TULP3: variants seen among roughly 807,000 people sequenced by gnomAD.
The protein encoded by TULP3 is TUB like protein 3, also known as tubby-related protein 3.
A neutral mutation model predicts 50.7 loss-of-function variants in TULP3; 38 were observed. That is an observed-to-expected ratio of 0.75 (90% CI 0.58 to 0.98). The LOEUF is 0.98. Ranked by LOEUF, TULP3 falls within the 50% of genes least tolerant of loss-of-function variation. The pLI is 0.00. For synonymous variants in TULP3, 183 were observed against 196.6 expected, an observed-to-expected ratio of 0.93 and a Z score of 0.58; for missense variants, 550 against 568.0, an observed-to-expected ratio of 0.97 and a Z score of 0.32.
At chr12:2,922,482 C>T in intron 4 of TULP3, 80 bp downstream of exon 4, 1 of 1,535,508 alleles carries the variant, frequency 6.5e-7, no homozygotes, top group Non-Finnish European at 8.8e-7. Flanking sequence ...TTGTGGGTAA[C>T]AATCTACATG....
At chr12:2,904,354 C>T (rs1482393008) in intron 1 of TULP3, among the ~76,000 whole-genome samples, 1 of 152,120 alleles carries the variant, frequency 6.6e-6, no homozygotes, top group East Asian at 1.9e-4. Context: ...CTATATCTAT[C>T]TGAGATGGAA....
intron 2 of TULP3, among the ~76,000 whole-genome samples, chr12:2,912,626 C>T (rs1237448041): frequency 6.6e-6 from 1 of 152,090 alleles, no homozygotes; most frequent in East Asian, 1.9e-4. Context: ...ATCAGTCTCC[C>T]GAGGATTGGT....
In TULP3 at chr12:2,938,039, G is replaced by T. The variant is rs896930175; in HGVS notation, c.1024-75G>T. On this transcript the variant is annotated intron_variant, in intron 9 of 10. Coordinates refer to ENST00000448120, the MANE Select transcript of TULP3 (RefSeq NM_003324.5). ...GTTTACCCTTTCTGAAATGGAGAAAGTATTCTCCTACTCTACCTTCTACCT... is the reference window on the plus strand; with the variant it reads ...GTTTACCCTTTCTGAAATGGAGAAATTATTCTCCTACTCTACCTTCTACCT... 35 of 1,485,214 alleles carry T rather than the reference G, an allele frequency of 2.4e-5. No individual in the cohort carries two copies. In the Admixed American group the frequency reaches 4.8e-4, roughly 20 times the overall value. 92.0% of individuals were successfully genotyped at this position (1,485,214 alleles called of 1,614,324 possible). A position where few individuals can be genotyped will look rare whatever the true frequency, so the allele number is the denominator to read the frequency against.
intron 8 of TULP3, among the ~76,000 whole-genome samples, chr12:2,937,200 A>ATTTTTTTTTTTTTTTTTTTTTTTT (rs771074689): frequency 3.7e-5 from 2 of 54,446 alleles, no homozygotes; most frequent in Admixed American, 3.6e-4. Context: ...GGTACACCTG[A>ATTTTTTTTTTTTTTTTTTTTTTTT]TTTTTTTTTT....
chr12:2,940,265 G>T lies in TULP3; in HGVS notation c.*821G>T. ...CGACACACACACCTGTAGGCATCCT[G>T]TGCAAACACTTTGTCATTATCAAGA... On this transcript the variant is annotated 3_prime_UTR_variant, in exon 11 of 11. Coordinates refer to ENST00000448120, the MANE Select transcript of TULP3 (RefSeq NM_003324.5). The T allele has an allele frequency of 7.2e-7, 1 of 1,393,064 alleles. No individual in the cohort carries two copies. Among genetic ancestry groups the T allele is most frequent in the East Asian group, 3.7e-5 (1 of 27,154 alleles). The allele number at this position is 1,393,064 out of a possible 1,614,324, so 86.3% of individuals were successfully genotyped here. A position where few individuals can be genotyped will look rare whatever the true frequency, so the allele number is the denominator to read the frequency against.
intron 2 of TULP3, among the ~76,000 whole-genome samples, chr12:2,920,078 T>G (rs1251625970): frequency 6.6e-6 from 1 of 151,762 alleles, no homozygotes; most frequent in African/African-American, 2.4e-5. Flanking sequence ...CATGCCATAG[T>G]CTGCCACCTG....
chr12:2,897,146 A>C (rs1052510674), intron 1 of TULP3, among the ~76,000 whole-genome samples: 6 of 151,898 alleles, frequency 4.0e-5, no homozygotes, highest in Admixed American at 2.0e-4. Flanking sequence ...AGTAGGTAGG[A>C]TTACAGGTGC....
chr12:2,910,575 A>G (rs890329168), intron 2 of TULP3, among the ~76,000 whole-genome samples: 30 of 152,322 alleles, frequency 2.0e-4, no homozygotes, highest in Admixed American at 1.8e-3. Context: ...GCTTTTTTCT[A>G]TGAATCTATT....
Position 2,937,665 on chromosome 12 carries a change from A to G in TULP3, c.959A>G (p.Lys320Arg), listed in dbSNP as rs2098202201. The G allele has an allele frequency of 1.9e-6, 3 of 1,613,292 alleles. No homozygotes were observed. The highest frequency in any genetic ancestry group is 2.5e-6 in the Non-Finnish European group (3 of 1,179,698). ...GTACTTGGATTTAAAGGTCCTAGGA[A>G]AATGTCTGTGATCATTCCTGGAATG... ...TNVLGFKGPRKMSVIIPGMTL... is the reference protein window; with the variant it reads ...TNVLGFKGPRRMSVIIPGMTL... The change falls in exon 9 of 11, where the codon AAA (lysine) becomes AGA (arginine). Residue 320 changes from lysine (K) to arginine (R), a missense_variant. Coordinates refer to ENST00000448120, the MANE Select transcript of TULP3 (RefSeq NM_003324.5).
chr12:2,916,208 G>A (rs1045667053), intron 2 of TULP3, among the ~76,000 whole-genome samples: 18 of 151,400 alleles, frequency 1.2e-4, no homozygotes, highest in East Asian at 2.0e-4. Context: ...TGGGGTTTCC[G>A]GCATGTTGGC....
chr12:2,916,859 G>C (rs1194718497), intron 2 of TULP3, among the ~76,000 whole-genome samples: 1 of 152,218 alleles, frequency 6.6e-6, no homozygotes, highest in Non-Finnish European at 1.5e-5. Flanking sequence ...TATAGTAGCT[G>C]TGGCCCTGAT....
Position 2,907,877 on chromosome 12 carries a change from A to G in TULP3, c.42-1652A>G, listed in dbSNP as rs370839337. 5.2e-3 allele frequency among the ~76,000 whole-genome samples: 788 copies of G among 152,272 alleles called. 5 individuals carry two copies. Among genetic ancestry groups the G allele is most frequent in the African/African-American group, 0.018 (729 of 41,568 alleles). On this transcript the variant is annotated intron_variant, in intron 1 of 10. Coordinates refer to ENST00000448120, the MANE Select transcript of TULP3 (RefSeq NM_003324.5). ...TCAAGGCCAGAGGCTGTTGTATCTGACATTTTTGTTTATTTGTTCCTCTTT... is the reference window on the plus strand; with the variant it reads ...TCAAGGCCAGAGGCTGTTGTATCTGGCATTTTTGTTTATTTGTTCCTCTTT...
chr12:2,907,957 T>G (rs2098183318), intron 1 of TULP3, among the ~76,000 whole-genome samples: 1 of 152,124 alleles, frequency 6.6e-6, no homozygotes, highest in African/African-American at 2.4e-5. Context: ...ATTTGTTTTT[T>G]AAACATGAAG....
At chr12:2,922,124 T>C (rs2098192127) in intron 3 of TULP3, 138 bp from the exon 4 acceptor site, 1 of 1,059,492 alleles carries the variant, frequency 9.4e-7, no homozygotes, top group South Asian at 1.7e-5. Flanking sequence ...TCTTAACAAA[T>C]GTTCTTATGG....
In TULP3 at chr12:2,940,431, C is replaced by G; in HGVS notation, c.*987C>G. ...CTGTGGACTTTCTTCTCGGCTCCCTCAACCCTGGCTCAGGCACAGAAGGTG... is the reference window on the plus strand; with the variant it reads ...CTGTGGACTTTCTTCTCGGCTCCCTGAACCCTGGCTCAGGCACAGAAGGTG... On this transcript the variant is annotated 3_prime_UTR_variant, in exon 11 of 11. Coordinates refer to ENST00000448120, the MANE Select transcript of TULP3 (RefSeq NM_003324.5). 6.8e-7 allele frequency: 1 copy of G among 1,470,108 alleles called. No individual in the cohort carries two copies. Among genetic ancestry groups the G allele is most frequent in the Non-Finnish European group, 9.0e-7 (1 of 1,110,670 alleles). 91.1% of individuals were successfully genotyped at this position (1,470,108 alleles called of 1,614,324 possible).
In TULP3 at chr12:2,922,386, G is replaced by A; in HGVS notation, c.378G>A (p.Glu126=). 6.2e-7 allele frequency: 1 copy of A among 1,613,388 alleles called. No homozygotes were observed. The highest frequency in any genetic ancestry group is 1.1e-5 in the South Asian group (1 of 90,866). ...CTGCTTCCAAGCCAGGACTTCAGGA[G>A]CGTCTCCAAAAGCATGGTGAGGACT... The part of the protein sequence containing the change: ...VDTASKPGLQ[E]RLQKHDISES... The change falls in exon 4 of 11, where the codon GAG becomes GAA. Residue 126 remains glutamate, a synonymous_variant. Coordinates refer to ENST00000448120, the MANE Select transcript of TULP3 (RefSeq NM_003324.5).
intron 1 of TULP3, among the ~76,000 whole-genome samples, chr12:2,893,327 G>GTTTTTTT (rs36190881): frequency 8.6e-5 from 11 of 128,164 alleles, no homozygotes; most frequent in African/African-American, 2.8e-4. Flanking sequence ...TGTTTAATGT[G>GTTTTTTT]TTTTTTTTTT....
chr12:2,920,636 T>C, intron 2 of TULP3, 127 bp from the exon 3 acceptor site: 6 of 1,220,296 alleles, frequency 4.9e-6, no homozygotes, highest in Non-Finnish European at 3.4e-6. Flanking sequence ...TTCCCATTTC[T>C]TAAATGGGGA....
chr12:2,920,844 C>T lies in TULP3; in HGVS notation c.175C>T (p.Arg59Trp), dbSNP rs373458913. The T allele has an allele frequency of 5.6e-6, 9 of 1,614,110 alleles. No homozygotes were observed. The highest frequency in any genetic ancestry group is 3.3e-5 in the South Asian group (3 of 91,076). ...GCCCAATCCAGAAGCCAGGCTACGT[C>T]GGGCAAAGCCAAGGGCCAGTGATGA... ...VQPNPEARLR[R>W]AKPRASDEQT... Residue 59 changes from arginine (R) to tryptophan (W), a missense_variant, in exon 3 of 11, where the codon CGG becomes TGG. Transcript: ENST00000448120.
Sources: allele counts gnomAD v4.1 joint callset (sites outside exome capture counted in the v4.1 genomes callset), GRCh38; gene constraint gnomAD v4.1.1; transcripts MANE v1.5; gene names NCBI Gene and HGNC (gene_info 2026-07-23, HGNC 2026-07-21).